Variants in FREM1 observed in about 807,000 individuals in gnomAD.
The protein encoded by FREM1 is FRAS1 related extracellular matrix 1.
FREM1 carries 220 observed loss-of-function variants against 210.1 expected under a neutral mutation model. The observed-to-expected ratio is 1.05, with a 90% CI of 0.94 to 1.17. The LOEUF is 1.17. Among genes scored for constraint, FREM1 ranks in the 50% most tolerant of loss-of-function variants. The pLI is 0.00. For missense variants in FREM1, 3,454 were observed against 2,675.5 expected, an observed-to-expected ratio of 1.29 and a Z score of -6.42; for synonymous variants, 1,189 against 980.2, an observed-to-expected ratio of 1.21 and a Z score of -3.98.
At chr9:14,908,835 G>C (rs1031447955) in intron 1 of FREM1, among the ~76,000 whole-genome samples, 7 of 152,180 alleles carry the variant, frequency 4.6e-5, no homozygotes, top group African/African-American at 1.7e-4. Context: ...TGGGAACTGA[G>C]AACCTGCCTT....
chr9:14,806,124 C>G (rs764624350), intron 18 of FREM1, among the ~76,000 whole-genome samples: 1 of 151,864 alleles, frequency 6.6e-6, no homozygotes, highest in African/African-American at 2.4e-5. Context: ...AGTAAAATTC[C>G]ATTTATTTTG....
At chr9:14,848,643 T>G in intron 7 of FREM1, 22 bp downstream of exon 7, 12 of 1,395,450 alleles carry the variant, frequency 8.6e-6, no homozygotes, top group Non-Finnish European at 1.1e-5. Context: ...TATGTTGCTC[T>G]ATGCCTTATA....
chr9:14,784,193 T>G, intron 24 of FREM1, 177 bp downstream of exon 24: 2 of 530,322 alleles, frequency 3.8e-6, no homozygotes, highest in Non-Finnish European at 6.1e-6. Flanking sequence ...TTTTTTCTCC[T>G]TTTCTTTCCT....
At chr9:14,781,966 A>T (rs1379121770) in intron 24 of FREM1, among the ~76,000 whole-genome samples, 1 of 152,200 alleles carries the variant, frequency 6.6e-6, no homozygotes, top group Non-Finnish European at 1.5e-5. Flanking sequence ...CGTCCTCCTA[A>T]AGTGCTGGGA....
At position 14,770,637 on chromosome 9, in the gene FREM1, G is replaced by C. The variant is rs1322016793; in HGVS notation, c.5027C>G (p.Pro1676Arg). ...TGTGTTCTCCAGATGTCCATGTTTTGGGCCTTGTAGAATTTTAAAGATGAT... is the reference window on the plus strand; with the variant it reads ...TGTGTTCTCCAGATGTCCATGTTTTCGGCCTTGTAGAATTTTAAAGATGAT... ...DQIIFKILQG[P>R]KHGHLENTTT... is the part of the protein sequence containing the mutation. Residue 1676 changes from proline (P) to arginine (R), a missense_variant, in exon 26 of 37, where the codon CCA becomes CGA. Physicochemically the swap from Pro to Arg is moderately radical, Grantham distance 103. Transcript: ENST00000380880. 4.3e-6 allele frequency: 7 copies of C among 1,613,164 alleles called. No individual in the cohort carries two copies. Among genetic ancestry groups the C allele is most frequent in the Non-Finnish European group, 5.9e-6 (7 of 1,179,464 alleles).
At chr9:14,799,429 T>G (rs997625514) in intron 20 of FREM1, among the ~76,000 whole-genome samples, 8 of 152,084 alleles carry the variant, frequency 5.3e-5, no homozygotes, top group African/African-American at 1.9e-4. Flanking sequence ...ACAGATAAAA[T>G]AGAGGTGAAA....
intron 35 of FREM1, among the ~76,000 whole-genome samples, chr9:14,742,172 C>T (rs1481445175): frequency 6.6e-6 from 1 of 152,072 alleles, no homozygotes. Context: ...TAAATAGGTA[C>T]ACATACACAA....
At chr9:14,902,666 G>A (rs545136153) in intron 1 of FREM1, among the ~76,000 whole-genome samples, 5 of 152,152 alleles carry the variant, frequency 3.3e-5, no homozygotes, top group African/African-American at 9.6e-5. Context: ...GAGGCTCTAC[G>A]GACAAATGAG....
In FREM1 at chr9:14,791,924, C is replaced by T. The variant is rs180850744; in HGVS notation, c.3981+819G>A. 1.1e-4 allele frequency among the ~76,000 whole-genome samples: 16 copies of T among 152,156 alleles called. No homozygotes were observed. The South Asian group carries it at 1.5e-3, about 14-fold the overall frequency. ...CTCAGCTCACTGCAACCTCTCCCCC[C>T]TCTCCCGGGTTCAAGTAATTCTCCT... On this transcript the variant is annotated intron_variant, in intron 22 of 36. Transcript: ENST00000380880.
chr9:14,786,444 T>C (rs948221433), intron 23 of FREM1, among the ~76,000 whole-genome samples: 19 of 152,306 alleles, frequency 1.2e-4, no homozygotes, highest in African/African-American at 4.3e-4. Flanking sequence ...TTCAGCCTCA[T>C]GAAGAAATAA....
At chr9:14,817,648 T>C (rs1037254784) in intron 14 of FREM1, among the ~76,000 whole-genome samples, 10 of 152,132 alleles carry the variant, frequency 6.6e-5, no homozygotes, top group African/African-American at 2.2e-4. Context: ...AAAATAAAAG[T>C]TGTATTAAAA....
chr9:14,750,061 C>A, intron 30 of FREM1, 66 bp downstream of exon 30: 1 of 1,519,736 alleles, frequency 6.6e-7, no homozygotes, highest in East Asian at 2.3e-5. Context: ...AGCACGTTGG[C>A]TGTTGAAGGC....
intron 2 of FREM1, 99 bp downstream of exon 2, chr9:14,868,645 G>C: frequency 1.3e-6 from 1 of 768,234 alleles, no homozygotes; most frequent in South Asian, 1.6e-5. Context: ...TTGATGGCTT[G>C]AGGGGAGACA....
intron 1 of FREM1, among the ~76,000 whole-genome samples, chr9:14,875,051 G>C (rs1478730161): frequency 6.6e-6 from 1 of 152,142 alleles, no homozygotes; most frequent in African/African-American, 2.4e-5. Context: ...TTAGTCTGAT[G>C]GGCTTCCCTT....
intron 16 of FREM1, among the ~76,000 whole-genome samples, chr9:14,809,523 G>C (rs746478151): frequency 6.6e-6 from 1 of 152,178 alleles, no homozygotes; most frequent in Non-Finnish European, 1.5e-5. Flanking sequence ...TTCAAAGGAT[G>C]AGAAAACTGG....
chr9:14,863,670 C>T (rs1248003543), intron 3 of FREM1, 139 bp downstream of exon 3: 4 of 596,318 alleles, frequency 6.7e-6, no homozygotes, highest in Non-Finnish European at 1.2e-5. Context: ...TCCACTCAGG[C>T]CTCCAGTTTC....
chr9:14,842,457 C>G lies in FREM1; in HGVS notation c.1597G>C (p.Glu533Gln). 1 of 1,614,012 alleles carries G rather than the reference C, an allele frequency of 6.2e-7. No homozygotes were observed. The highest frequency in any genetic ancestry group is 8.5e-7 in the Non-Finnish European group (1 of 1,179,876). Residue 533 changes from glutamate (E) to glutamine (Q), a missense_variant, in exon 9 of 37, where the codon GAG (glutamate) becomes CAG (glutamine). By Grantham distance (29) the Glu-to-Gln change is conservative (BLOSUM62 2). Transcript: ENST00000380880. ...TGGATCAGGATGGTCTGCCCCTCCT[C>G]CAGTTCAATCACAACATTGGTTATG... ...FLITNVVIEL[E>Q]EGQTILIQGS...
chr9:14,861,092 T>TATACAC (rs1830268414), intron 3 of FREM1, among the ~76,000 whole-genome samples: 1 of 103,786 alleles, frequency 9.6e-6, no homozygotes, highest in African/African-American at 4.9e-5. Context: ...TATACACATA[T>TATACAC]ATATAAACAT....
Position 14,787,960 on chromosome 9 carries a change from G to GA in FREM1, c.4177+958_4177+959insT, listed in dbSNP as rs560570176. On this transcript the variant is annotated intron_variant, in intron 23 of 36. Coordinates refer to ENST00000380880, the MANE Select transcript of FREM1 (RefSeq NM_001379081.2). Reference sequence around the variant, plus strand: ...AAAATATATTATTACACAGCTCAATGTAAACATCTCAAGATCAAACTGAAT... The same window carrying GA: ...AAAATATATTATTACACAGCTCAATGATAAACATCTCAAGATCAAACTGAAT... Among the ~76,000 whole-genome samples the GA allele has an allele frequency of 3.5e-4, 54 of 152,262 alleles. No individual in the cohort carries two copies. In the East Asian group the frequency reaches 0.01, roughly 28 times the overall value.
Sources: gnomAD v4.1 joint callset for allele counts (sites outside exome capture counted in the v4.1 genomes callset) on GRCh38, gnomAD v4.1.1 for gene constraint, MANE v1.5 for transcripts, NCBI Gene and HGNC (gene_info 2026-07-23, HGNC 2026-07-21) for gene names.